Variants in SAMMSON observed in about 807,000 individuals in gnomAD.
The protein encoded by SAMMSON is survival associated mitochondrial melanoma specific oncogenic non-coding RNA, also known as long intergenic non-protein coding RNA 1212.
chr3:70,173,895 G>T (rs1044709107), intron 4 of SAMMSON, among the ~76,000 whole-genome samples: 4 of 151,866 alleles, frequency 2.6e-5, no homozygotes, highest in African/African-American at 7.2e-5. Context: ...AAATAATATA[G>T]ATATACCAGA....
chr3:70,022,475 T>C (rs2067019737), intron 3 of SAMMSON, among the ~76,000 whole-genome samples: 1 of 147,938 alleles, frequency 6.8e-6, no homozygotes, highest in African/African-American at 2.5e-5. Context: ...ATACTGCCAG[T>C]AGGGAAGACA....
intron 1 of SAMMSON, chr3:69,999,985 A>C (rs1426224051): frequency 1.3e-5 from 2 of 152,086 alleles, no homozygotes; most frequent in Admixed American, 1.3e-4. Context: ...CACTCAATAC[A>C]ACTTTGCACT....
intron 4 of SAMMSON, among the ~76,000 whole-genome samples, chr3:70,160,695 A>G (rs1232372428): frequency 6.6e-6 from 1 of 152,064 alleles, no homozygotes; most frequent in Non-Finnish European, 1.5e-5. Flanking sequence ...ATATAGATTT[A>G]ATGATCAGCT....
At chr3:70,192,712 T>C (rs1475047524) in intron 4 of SAMMSON, among the ~76,000 whole-genome samples, 2 of 152,222 alleles carry the variant, frequency 1.3e-5, no homozygotes, top group Admixed American at 6.5e-5. Flanking sequence ...GCATCTCAGA[T>C]AAATGAAGAA....
chr3:70,149,255 A>G (rs73108067), intron 4 of SAMMSON, among the ~76,000 whole-genome samples: 11,085 of 152,182 alleles, frequency 0.073, 548 homozygotes, highest in Non-Finnish European at 0.11. Context: ...GTCTCTTTAT[A>G]TACCAGACAA....
intron 7 of SAMMSON, among the ~76,000 whole-genome samples, chr3:70,324,333 G>C (rs1204745253): frequency 6.6e-6 from 1 of 152,014 alleles, no homozygotes; most frequent in African/African-American, 2.4e-5. Context: ...GCACTGCCTG[G>C]GAATCAGATC....
chr3:70,407,512 C>T (rs1351966629), intron 2 of SAMMSON, among the ~76,000 whole-genome samples: 3 of 152,114 alleles, frequency 2.0e-5, no homozygotes, highest in Non-Finnish European at 4.4e-5. Flanking sequence ...GTATAGGGCC[C>T]ATACAAGTCC....
At chr3:70,064,974 T>C (rs751920856) in intron 3 of SAMMSON, among the ~76,000 whole-genome samples, 26 of 152,108 alleles carry the variant, frequency 1.7e-4, no homozygotes, top group Non-Finnish European at 2.9e-4. Flanking sequence ...TTATCTTTAA[T>C]GCAATGTAAT....
chr3:70,252,116 CT>C (rs1445366065), intron 6 of SAMMSON, among the ~76,000 whole-genome samples: 2 of 152,262 alleles, frequency 1.3e-5, no homozygotes, highest in Non-Finnish European at 2.9e-5. Flanking sequence ...TTGAATTCAG[CT>C]CATATAGATC....
chr3:70,334,112 C>T (rs1702645397), intron 7 of SAMMSON, among the ~76,000 whole-genome samples: 3 of 152,144 alleles, frequency 2.0e-5, no homozygotes, highest in Non-Finnish European at 2.9e-5. Context: ...AACTAACTTT[C>T]AAAAGTGGCT....
At chr3:70,164,827 A>G (rs2067630450) in intron 4 of SAMMSON, among the ~76,000 whole-genome samples, 1 of 151,986 alleles carries the variant, frequency 6.6e-6, no homozygotes, top group Non-Finnish European at 1.5e-5. Context: ...TTTTAATGTT[A>G]TTGTTCTTGC....
At chr3:70,027,589 A>C (rs547964085) in intron 3 of SAMMSON, among the ~76,000 whole-genome samples, 47 of 152,330 alleles carry the variant, frequency 3.1e-4, no homozygotes, top group African/African-American at 1.1e-3. Flanking sequence ...AAAGATTGTT[A>C]TGAGGGTTGG....
intron 1 of SAMMSON, among the ~76,000 whole-genome samples, chr3:70,011,149 GT>G (rs1314370751): frequency 6.6e-6 from 1 of 152,026 alleles, no homozygotes; most frequent in Non-Finnish European, 1.5e-5. Context: ...ATACATAATA[GT>G]TTTACATATT....
intron 6 of SAMMSON, among the ~76,000 whole-genome samples, chr3:70,273,661 C>T (rs899681998): frequency 6.6e-6 from 1 of 152,222 alleles, no homozygotes. Context: ...TACAGATGGA[C>T]TTGGCACACA....
chr3:70,228,551 A>G (rs1701529707), intron 4 of SAMMSON, among the ~76,000 whole-genome samples: 1 of 151,622 alleles, frequency 6.6e-6, no homozygotes, highest in Admixed American at 6.6e-5. Flanking sequence ...TTTGTTTTCT[A>G]ATGTCTAGAT....
chr3:70,264,437 G>A (rs1288109295), intron 6 of SAMMSON, among the ~76,000 whole-genome samples: 6 of 152,274 alleles, frequency 3.9e-5, no homozygotes, highest in African/African-American at 9.6e-5. Flanking sequence ...ACTGAATATC[G>A]GCTTGCTAAT....
chr3:70,368,564 C>A (rs1702939163), intron 9 of SAMMSON, among the ~76,000 whole-genome samples: 1 of 151,516 alleles, frequency 6.6e-6, no homozygotes, highest in African/African-American at 2.4e-5. Context: ...AAGGTAAAAT[C>A]TGTATCTAAC....
intron 3 of SAMMSON, among the ~76,000 whole-genome samples, chr3:70,031,677 TG>T (rs2067066584): frequency 6.6e-6 from 1 of 151,296 alleles, no homozygotes; most frequent in Non-Finnish European, 1.5e-5. Context: ...CAAACATTTT[TG>T]CAGGAAAAAA....
intron 7 of SAMMSON, among the ~76,000 whole-genome samples, chr3:70,331,386 G>T (rs1702620382): frequency 6.6e-6 from 1 of 152,134 alleles, no homozygotes; most frequent in Admixed American, 6.6e-5. Context: ...AGAGAAATGT[G>T]TGTTTTCTGT....
Sources: gnomAD v4.1 joint callset for allele counts (sites outside exome capture counted in the v4.1 genomes callset) on GRCh38, gnomAD v4.1.1 for gene constraint, MANE v1.5 for transcripts, NCBI Gene and HGNC (gene_info 2026-07-23, HGNC 2026-07-21) for gene names.